PDE4D: variants seen among roughly 807,000 people sequenced by gnomAD.
PDE4D encodes phosphodiesterase 4D.
In PDE4D, 24 loss-of-function variants were observed where a neutral mutation model predicts 87.4. The ratio of observed to expected loss-of-function variants is 0.27; its 90% confidence interval spans 0.20 to 0.39. The LOEUF (loss-of-function observed/expected upper bound fraction) is 0.39, where lower values mean the gene tolerates loss of function less well. PDE4D is among the 10% of genes least tolerant of loss of function. PDE4D has a pLI of 1.00. For missense variants in PDE4D, 714 were observed against 1,041.0 expected (o/e 0.69, Z 4.32); for synonymous variants, 384 against 383.2 (o/e 1.00, Z -0.02).
chr5:59,341,512 T>C (rs1582056873), intron 1 of PDE4D, among the ~76,000 whole-genome samples: 2 of 152,346 alleles, frequency 1.3e-5, no homozygotes, highest in Middle Eastern at 6.8e-3. Context: ...ATTCTGTAAA[T>C]ATATGTTGAA....
chr5:59,560,534 TG>T (rs1483502235), intron 1 of PDE4D, among the ~76,000 whole-genome samples: 1 of 152,148 alleles, frequency 6.6e-6, no homozygotes, highest in Non-Finnish European at 1.5e-5. Flanking sequence ...TCATCTTTAG[TG>T]GGGAGAAAAG....
chr5:59,596,180 T>C (rs1414835293), intron 1 of PDE4D, among the ~76,000 whole-genome samples: 2 of 151,406 alleles, frequency 1.3e-5, no homozygotes, highest in Non-Finnish European at 2.9e-5. Flanking sequence ...CAGAGTTAGG[T>C]ATAAAAGCAA....
intron 1 of PDE4D, among the ~76,000 whole-genome samples, chr5:59,417,385 C>T (rs751160984): frequency 2.0e-5 from 3 of 152,062 alleles, no homozygotes; most frequent in African/African-American, 4.8e-5. Flanking sequence ...AATACCCAAG[C>T]TCCTGGGAAA....
At chr5:60,461,176 C>T (rs1172261764) in intron 1 of PDE4D, among the ~76,000 whole-genome samples, 2 of 152,156 alleles carry the variant, frequency 1.3e-5, no homozygotes, top group Admixed American at 6.5e-5. Flanking sequence ...TCCCTTCAAA[C>T]ATCCATCTTC....
intron 3 of PDE4D, among the ~76,000 whole-genome samples, chr5:59,954,175 C>T (rs1297352633): frequency 6.6e-6 from 1 of 152,158 alleles, no homozygotes; most frequent in African/African-American, 2.4e-5. Flanking sequence ...CCACCGGCCT[C>T]GGTCTCCCAA....
intron 1 of PDE4D, among the ~76,000 whole-genome samples, chr5:59,799,551 G>T (rs1247607106): frequency 2.0e-5 from 3 of 152,128 alleles, no homozygotes. Context: ...AGTCATGGGG[G>T]GGCAGGAAAT....
chr5:59,534,792 T>C (rs2153681287), intron 1 of PDE4D, among the ~76,000 whole-genome samples: 1 of 152,262 alleles, frequency 6.6e-6, no homozygotes. Flanking sequence ...AGCTCTAAAC[T>C]GAATCTTACA....
At chr5:59,503,777 A>T (rs1808741940) in intron 1 of PDE4D, among the ~76,000 whole-genome samples, 3 of 152,160 alleles carry the variant, frequency 2.0e-5, no homozygotes, top group African/African-American at 7.2e-5. Flanking sequence ...TACTTTCTTG[A>T]TATGAACAAA....
intron 1 of PDE4D, among the ~76,000 whole-genome samples, chr5:59,860,752 T>C (rs1399060563): frequency 6.6e-6 from 1 of 152,148 alleles, no homozygotes; most frequent in Non-Finnish European, 1.5e-5. Flanking sequence ...AACTACAGTA[T>C]TCTTTCTCAT....
chr5:59,637,648 G>C (rs1344892241), intron 1 of PDE4D, among the ~76,000 whole-genome samples: 1 of 151,910 alleles, frequency 6.6e-6, no homozygotes. Flanking sequence ...AACTAACACA[G>C]GAACCGAAAA....
At chr5:59,933,604 A>G (rs372244663) in intron 3 of PDE4D, among the ~76,000 whole-genome samples, 49 of 152,296 alleles carry the variant, frequency 3.2e-4, no homozygotes, top group African/African-American at 1.1e-3. Flanking sequence ...TTCATTTGAT[A>G]GGTCAGGAAA....
intron 1 of PDE4D, chr5:60,430,002 A>T: frequency 3.8e-6 from 2 of 521,022 alleles, no homozygotes; most frequent in South Asian, 2.8e-5. Context: ...TATCTTCATT[A>T]CATTTTCTGG....
intron 1 of PDE4D, among the ~76,000 whole-genome samples, chr5:59,338,309 G>A (rs141716363): frequency 1.8e-4 from 28 of 152,266 alleles, no homozygotes; most frequent in African/African-American, 6.0e-4. Context: ...TCTCAAACTA[G>A]TATTTAGGCC....
At chr5:59,084,588 C>G (rs999786000) in intron 5 of PDE4D, among the ~76,000 whole-genome samples, 5 of 151,580 alleles carry the variant, frequency 3.3e-5, no homozygotes, top group African/African-American at 1.2e-4. Flanking sequence ...CTAAAGAACA[C>G]TCTAAAATCA....
At chr5:59,985,124 G>GTGTTTTTT in intron 3 of PDE4D, among the ~76,000 whole-genome samples, 1 of 111,346 alleles carries the variant, frequency 9.0e-6, no homozygotes, top group East Asian at 3.8e-4. Context: ...TTCACCTTTC[G>GTGTTTTTT]TTTTTTGTTT....
intron 2 of PDE4D, among the ~76,000 whole-genome samples, chr5:60,007,027 C>T (rs1764562160): frequency 6.6e-6 from 1 of 151,894 alleles, no homozygotes. Context: ...AATTTTTCAT[C>T]TTTCTGGATT....
intron 1 of PDE4D, among the ~76,000 whole-genome samples, chr5:59,488,448 G>A (rs903570491): frequency 1.3e-5 from 2 of 152,108 alleles, no homozygotes; most frequent in Admixed American, 6.6e-5. Context: ...GTTTAAATAC[G>A]CATTTGAAAT....
intron 1 of PDE4D, among the ~76,000 whole-genome samples, chr5:60,394,715 A>G (rs974152432): frequency 6.6e-6 from 1 of 152,198 alleles, no homozygotes; most frequent in Non-Finnish European, 1.5e-5. Context: ...GTACAAATGA[A>G]GTAAAGACTT....
At chr5:59,069,439 A>G (rs62356681) in intron 5 of PDE4D, among the ~76,000 whole-genome samples, 257 of 152,020 alleles carry the variant, frequency 1.7e-3, no homozygotes, top group Middle Eastern at 6.8e-3. Context: ...GCGTCCTAAC[A>G]TTTTGTTCTA....
Sources: gnomAD v4.1 joint callset for allele counts (sites outside exome capture counted in the v4.1 genomes callset) on GRCh38, gnomAD v4.1.1 for gene constraint, MANE v1.5 for transcripts, NCBI Gene and HGNC (gene_info 2026-07-23, HGNC 2026-07-21) for gene names.